ALCAM: variants seen among roughly 807,000 people sequenced by gnomAD.
ALCAM encodes CD166 antigen.
In ALCAM, 30 loss-of-function variants were observed where a neutral mutation model predicts 70.9. That is an observed-to-expected ratio of 0.42 (90% CI 0.32 to 0.57). The LOEUF (loss-of-function observed/expected upper bound fraction) is 0.57, where lower values mean the gene tolerates loss of function less well. Among genes scored for constraint, ALCAM ranks in the 20% least tolerant of loss-of-function variants. The pLI is 0.11. For synonymous variants in ALCAM, 249 were observed against 242.5 expected, an observed-to-expected ratio of 1.03 and a Z score of -0.25; for missense variants, 591 against 695.1, an observed-to-expected ratio of 0.85 and a Z score of 1.68.
At chr3:105,479,592 T>C (rs1559805481) in intron 1 of ALCAM, among the ~76,000 whole-genome samples, 1 of 152,220 alleles carries the variant, frequency 6.6e-6, no homozygotes, top group Non-Finnish European at 1.5e-5. Flanking sequence ...GACATGCTTT[T>C]AGACCACTTG....
chr3:105,404,970 A>G (rs760474847), intron 1 of ALCAM, among the ~76,000 whole-genome samples: 8 of 152,062 alleles, frequency 5.3e-5, no homozygotes, highest in African/African-American at 9.7e-5. Context: ...CTTTAAAGCA[A>G]CAGCAGTTAA....
chr3:105,487,084 A>T (rs1221184044), intron 1 of ALCAM, among the ~76,000 whole-genome samples: 1 of 151,994 alleles, frequency 6.6e-6, no homozygotes, highest in African/African-American at 2.4e-5. Flanking sequence ...TAAAAAGACA[A>T]GTTTTTATTT....
At chr3:105,395,745 G>C (rs1343666737) in intron 1 of ALCAM, among the ~76,000 whole-genome samples, 1 of 152,006 alleles carries the variant, frequency 6.6e-6, no homozygotes, top group Non-Finnish European at 1.5e-5. Flanking sequence ...CTAGGACTTA[G>C]ATCTCAAGAA....
chr3:105,369,068 G>A (rs915446445), intron 1 of ALCAM, among the ~76,000 whole-genome samples: 1 of 152,148 alleles, frequency 6.6e-6, no homozygotes, highest in Non-Finnish European at 1.5e-5. Flanking sequence ...TTTGGAGCCA[G>A]GGAATGAGCC....
intron 1 of ALCAM, among the ~76,000 whole-genome samples, chr3:105,484,814 AC>A (rs1938378411): frequency 6.6e-6 from 1 of 152,096 alleles, no homozygotes; most frequent in African/African-American, 2.4e-5. Context: ...GACATGTGCC[AC>A]CAGAAGAAAA....
chr3:105,546,680 A>G (rs568973511), intron 9 of ALCAM, among the ~76,000 whole-genome samples: 1 of 151,576 alleles, frequency 6.6e-6, no homozygotes, highest in Admixed American at 6.6e-5. Flanking sequence ...ACTGTCATGA[A>G]CAGCTCATGT....
intron 1 of ALCAM, among the ~76,000 whole-genome samples, chr3:105,377,723 A>T (rs1431237303): frequency 6.6e-6 from 1 of 152,048 alleles, no homozygotes; most frequent in Non-Finnish European, 1.5e-5. Context: ...TAAGATTGCT[A>T]ACTTTTAGAA....
chr3:105,438,793 A>G (rs1937108460), intron 1 of ALCAM, among the ~76,000 whole-genome samples: 2 of 152,146 alleles, frequency 1.3e-5, no homozygotes, highest in Admixed American at 6.5e-5. Flanking sequence ...GGATCTCTTG[A>G]GCCCAGGAGT....
intron 1 of ALCAM, among the ~76,000 whole-genome samples, chr3:105,511,206 T>A (rs540391464): frequency 3.9e-5 from 6 of 152,178 alleles, no homozygotes; most frequent in Admixed American, 3.3e-4. Flanking sequence ...GTTACCCCAC[T>A]GGGCTACCAT....
At chr3:105,562,962 C>T (rs574953358) in intron 14 of ALCAM, among the ~76,000 whole-genome samples, 11 of 152,070 alleles carry the variant, frequency 7.2e-5, no homozygotes, top group East Asian at 1.9e-4. Flanking sequence ...TGCGCCACCA[C>T]GCCTGGCTAA....
intron 1 of ALCAM, among the ~76,000 whole-genome samples, chr3:105,378,556 T>C (rs910347046): frequency 6.6e-6 from 1 of 151,826 alleles, no homozygotes; most frequent in African/African-American, 2.4e-5. Flanking sequence ...ATGTAATTTA[T>C]ATTTGGATTT....
chr3:105,405,434 C>T (rs867504002), intron 1 of ALCAM, among the ~76,000 whole-genome samples: 2 of 151,918 alleles, frequency 1.3e-5, no homozygotes, highest in Non-Finnish European at 2.9e-5. Context: ...GAAATGAGAT[C>T]GATGACAACA....
At chr3:105,569,381 T>C (rs185140152) in intron 14 of ALCAM, among the ~76,000 whole-genome samples, 1 of 152,258 alleles carries the variant, frequency 6.6e-6, no homozygotes, top group African/African-American at 2.4e-5. Flanking sequence ...CTTACTGATT[T>C]ATAGAAATTA....
At chr3:105,564,181 G>A (rs947425616) in intron 14 of ALCAM, among the ~76,000 whole-genome samples, 1 of 151,696 alleles carries the variant, frequency 6.6e-6, no homozygotes, top group African/African-American at 2.4e-5. Context: ...ATTAGGTTAA[G>A]GTGAATCATA....
chr3:105,565,689 T>C (rs1439627853), intron 14 of ALCAM, among the ~76,000 whole-genome samples: 2 of 152,198 alleles, frequency 1.3e-5, no homozygotes, highest in East Asian at 3.8e-4. Context: ...AATTTGGATG[T>C]TATATTGTTT....
chr3:105,434,188 G>T (rs928097058), intron 1 of ALCAM, among the ~76,000 whole-genome samples: 2 of 152,122 alleles, frequency 1.3e-5, no homozygotes, highest in African/African-American at 4.8e-5. Context: ...CTAATAATGT[G>T]TTGTGCTAAC....
At chr3:105,370,477 T>C (rs1935197809) in intron 1 of ALCAM, among the ~76,000 whole-genome samples, 1 of 152,182 alleles carries the variant, frequency 6.6e-6, no homozygotes, top group South Asian at 2.1e-4. Flanking sequence ...AAAGACAGAC[T>C]AGAGGCCTAC....
rs188942399 is a variant in ALCAM at position 105,414,141 on chromosome 3, G to A, written c.73+46660G>A. 2.2e-3 allele frequency among the ~76,000 whole-genome samples: 337 copies of A among 151,944 alleles called. 2 individuals are homozygous for A. Among genetic ancestry groups the A allele is most frequent in the African/African-American group, 7.3e-3 (304 of 41,450 alleles). ...TGGTCGAGTGCAGTGGCTCATACCTGTATTCCCAGCACTTTGGGAGGCTGA... is the reference window on the plus strand; with the variant it reads ...TGGTCGAGTGCAGTGGCTCATACCTATATTCCCAGCACTTTGGGAGGCTGA... On this transcript the variant is annotated intron_variant, in intron 1 of 15. Transcript: ENST00000306107.
chr3:105,464,831 A>G (rs1272097005), intron 1 of ALCAM, among the ~76,000 whole-genome samples: 3 of 151,340 alleles, frequency 2.0e-5, no homozygotes, highest in African/African-American at 7.3e-5. Flanking sequence ...AATTTACATA[A>G]AGATCTTAGT....
Sources: allele counts gnomAD v4.1 joint callset (sites outside exome capture counted in the v4.1 genomes callset), GRCh38; gene constraint gnomAD v4.1.1; transcripts MANE v1.5; gene names NCBI Gene and HGNC (gene_info 2026-07-23, HGNC 2026-07-21).